The following ARHGAP24 variants were observed in gnomAD, a reference collection of about 807,000 sequenced individuals.
ARHGAP24 encodes Rho GTPase activating protein 24, also known as rho GTPase-activating protein 24.
In ARHGAP24, 50 loss-of-function variants were observed where a neutral mutation model predicts 76.4. That is an observed-to-expected ratio of 0.65 (90% CI 0.52 to 0.83). ARHGAP24 has a LOEUF of 0.83. Ranked by LOEUF, ARHGAP24 falls within the 40% of genes least tolerant of loss-of-function variation. ARHGAP24 has a pLI of 0.00. For missense variants in ARHGAP24, 930 were observed against 914.2 expected (o/e 1.02, Z -0.22); for synonymous variants, 345 against 323.3 (o/e 1.07, Z -0.72).
intron 2 of ARHGAP24, among the ~76,000 whole-genome samples, chr4:85,634,730 T>C (rs1721257637): frequency 6.6e-6 from 1 of 151,902 alleles, no homozygotes; most frequent in South Asian, 2.1e-4. Flanking sequence ...ATTGCTGCCT[T>C]TGCCCTATGT....
At chr4:85,888,006 A>G (rs1427677731) in intron 3 of ARHGAP24, among the ~76,000 whole-genome samples, 2 of 152,206 alleles carry the variant, frequency 1.3e-5, no homozygotes, top group Admixed American at 6.5e-5. Flanking sequence ...CCTGGATTAC[A>G]TATGACTAGG....
At chr4:85,908,691 A>G (rs996796139) in intron 3 of ARHGAP24, among the ~76,000 whole-genome samples, 6 of 152,170 alleles carry the variant, frequency 3.9e-5, no homozygotes, top group African/African-American at 1.4e-4. Context: ...AGACAATGGT[A>G]GAACTCTGAA....
At chr4:85,513,089 G>T (rs996494356) in intron 1 of ARHGAP24, among the ~76,000 whole-genome samples, 1 of 152,162 alleles carries the variant, frequency 6.6e-6, no homozygotes, top group Non-Finnish European at 1.5e-5. Context: ...CATTTCTTTG[G>T]CTAAACACAC....
intron 3 of ARHGAP24, among the ~76,000 whole-genome samples, chr4:85,785,224 A>G (rs1465490750): frequency 6.6e-6 from 1 of 152,098 alleles, no homozygotes; most frequent in African/African-American, 2.4e-5. Context: ...TTTCCCATAT[A>G]TTGTTCATTC....
At chr4:85,501,354 A>G (rs1038988516) in intron 1 of ARHGAP24, among the ~76,000 whole-genome samples, 2 of 152,154 alleles carry the variant, frequency 1.3e-5, no homozygotes, top group African/African-American at 4.8e-5. Flanking sequence ...GTGTAAATGC[A>G]TTCCTATTTC....
chr4:85,715,248 G>C (rs1261002188), intron 2 of ARHGAP24, among the ~76,000 whole-genome samples: 1 of 151,980 alleles, frequency 6.6e-6, no homozygotes, highest in Non-Finnish European at 1.5e-5. Flanking sequence ...AGTAAAAACT[G>C]ACTTCAAATT....
chr4:85,630,980 C>T lies in ARHGAP24; in HGVS notation c.180+60259C>T, dbSNP rs75997327. On this transcript the variant is annotated intron_variant, in intron 2 of 9. Transcript: ENST00000395184. Reference sequence around the variant, plus strand: ...AGTACTTATACTATTCACTGCCATACACACACGTATATATACACACACATG... The same window carrying T: ...AGTACTTATACTATTCACTGCCATATACACACGTATATATACACACACATG... Among the ~76,000 whole-genome samples the T allele has an allele frequency of 2.0e-3, 299 of 152,080 alleles. 1 individual carries two copies. Among genetic ancestry groups the T allele is most frequent in the African/African-American group, 6.8e-3 (281 of 41,512 alleles).
chr4:85,965,962 A>T (rs919871434), intron 5 of ARHGAP24, among the ~76,000 whole-genome samples: 1 of 152,150 alleles, frequency 6.6e-6, no homozygotes, highest in East Asian at 1.9e-4. Context: ...GTCAATTCAA[A>T]CTGTCATAAT....
intron 2 of ARHGAP24, among the ~76,000 whole-genome samples, chr4:85,680,979 G>A (rs181762595): frequency 6.6e-6 from 1 of 151,982 alleles, no homozygotes; most frequent in African/African-American, 2.4e-5. Flanking sequence ...AATTCTTAGA[G>A]CACATTTGTT....
chr4:85,928,131 T>C (rs1736114440), intron 4 of ARHGAP24, among the ~76,000 whole-genome samples: 1 of 152,190 alleles, frequency 6.6e-6, no homozygotes, highest in Non-Finnish European at 1.5e-5. Context: ...TAATGCTAAT[T>C]GAGAGGCACA....
intron 3 of ARHGAP24, among the ~76,000 whole-genome samples, chr4:85,746,152 T>C (rs1381199848): frequency 1.3e-5 from 2 of 152,228 alleles, no homozygotes; most frequent in African/African-American, 4.8e-5. Context: ...TGTGTACTTT[T>C]CCCAAGTGGG....
At chr4:85,521,778 TCA>T (rs1194999239) in intron 1 of ARHGAP24, among the ~76,000 whole-genome samples, 1 of 152,148 alleles carries the variant, frequency 6.6e-6, no homozygotes, top group African/African-American at 2.4e-5. Context: ...TTTCCAAATC[TCA>T]CAGTCTCATA....
chr4:85,922,439 TACAA>T (rs545893616), intron 3 of ARHGAP24, among the ~76,000 whole-genome samples: 222 of 152,266 alleles, frequency 1.5e-3, no homozygotes, highest in Non-Finnish European at 2.9e-3. Flanking sequence ...TAGATCCACT[TACAA>T]ACAAACAAAC....
intron 2 of ARHGAP24, among the ~76,000 whole-genome samples, chr4:85,679,294 A>C (rs1232365989): frequency 6.6e-6 from 1 of 152,162 alleles, no homozygotes; most frequent in Non-Finnish European, 1.5e-5. Context: ...GGCTTCAGAG[A>C]AAGCTTGTTT....
At chr4:85,817,443 T>C (rs1251266257) in intron 3 of ARHGAP24, among the ~76,000 whole-genome samples, 1 of 152,130 alleles carries the variant, frequency 6.6e-6, no homozygotes, top group Non-Finnish European at 1.5e-5. Context: ...GTGATGTGAG[T>C]TAAGGGTCCA....
chr4:85,710,765 G>T (rs11735639), intron 2 of ARHGAP24, among the ~76,000 whole-genome samples: 97,767 of 151,934 alleles, frequency 0.64, 33,857 homozygotes, highest in Non-Finnish European at 0.79. Flanking sequence ...ATGGGACACC[G>T]TCTCATACCA....
intron 3 of ARHGAP24, among the ~76,000 whole-genome samples, chr4:85,916,751 G>C (rs1735428318): frequency 6.6e-6 from 1 of 152,094 alleles, no homozygotes; most frequent in Non-Finnish European, 1.5e-5. Flanking sequence ...CTGTGAACTT[G>C]TCTTGGAAAC....
intron 3 of ARHGAP24, among the ~76,000 whole-genome samples, chr4:85,870,280 C>T (rs1284280786): frequency 6.6e-6 from 1 of 152,058 alleles, no homozygotes; most frequent in Non-Finnish European, 1.5e-5. Flanking sequence ...TATGAAAACA[C>T]CTCCTGTCCT....
At chr4:85,830,869 G>T (rs563220096) in intron 3 of ARHGAP24, among the ~76,000 whole-genome samples, 1 of 152,228 alleles carries the variant, frequency 6.6e-6, no homozygotes, top group South Asian at 2.1e-4. Flanking sequence ...GATGGCAGCA[G>T]GTGATTCTCC....
Sources: allele counts gnomAD v4.1 joint callset (sites outside exome capture counted in the v4.1 genomes callset), GRCh38; gene constraint gnomAD v4.1.1; transcripts MANE v1.5; gene names NCBI Gene and HGNC (gene_info 2026-07-23, HGNC 2026-07-21).